The following FAM149B1 variants were observed in gnomAD, a reference collection of about 807,000 sequenced individuals.
The protein encoded by FAM149B1 is primary cilium assembly protein FAM149B1.
In FAM149B1, 56 loss-of-function variants were observed where a neutral mutation model predicts 75.3. That is an observed-to-expected ratio of 0.74 (90% confidence interval 0.60 to 0.93). The LOEUF is 0.93. Ranked by LOEUF, FAM149B1 falls within the 40% of genes least tolerant of loss-of-function variation. The pLI, the probability that FAM149B1 is intolerant of heterozygous loss-of-function variation, is 0.00. For synonymous variants in FAM149B1, 259 were observed against 256.1 expected, an observed-to-expected ratio of 1.01 and a Z score of -0.11; for missense variants, 639 against 708.4, an observed-to-expected ratio of 0.90 and a Z score of 1.11.
intron 13 of FAM149B1, 142 bp from the exon 14 acceptor site, chr10:73,240,804 C>A: frequency 1.7e-6 from 1 of 581,874 alleles, no homozygotes; most frequent in South Asian, 2.0e-5. Context: ...AATTAGTGGG[C>A]TCTTCTACAA....
At chr10:73,168,696 C>G (rs540361667) in intron 1 of FAM149B1, among the ~76,000 whole-genome samples, 5 of 152,208 alleles carry the variant, frequency 3.3e-5, no homozygotes, top group Non-Finnish European at 7.3e-5. Flanking sequence ...TAACTGAGGG[C>G]TCCAGGAAAG....
intron 9 of FAM149B1, among the ~76,000 whole-genome samples, chr10:73,232,682 T>C (rs1297016542): frequency 6.6e-6 from 1 of 152,244 alleles, no homozygotes; most frequent in African/African-American, 2.4e-5. Flanking sequence ...GGCAGGTGGA[T>C]AATGGACTTG....
intron 11 of FAM149B1, 48 bp downstream of exon 11, chr10:73,234,988 A>AT (rs1564716816): frequency 6.5e-7 from 1 of 1,539,608 alleles, no homozygotes; most frequent in African/African-American, 1.4e-5. Context: ...ATACAACCTA[A>AT]TGGGCAGTAA....
chr10:73,218,856 A>G (rs1028977500), intron 7 of FAM149B1, among the ~76,000 whole-genome samples: 1 of 152,090 alleles, frequency 6.6e-6, no homozygotes, highest in Non-Finnish European at 1.5e-5. Context: ...CCCTCAATTT[A>G]TCTCTCTCAT....
intron 3 of FAM149B1, among the ~76,000 whole-genome samples, chr10:73,179,467 G>T (rs1187890752): frequency 1.3e-5 from 2 of 151,786 alleles, no homozygotes; most frequent in Non-Finnish European, 2.9e-5. Flanking sequence ...GCAGGCTGGA[G>T]TGCTGTGGCA....
intron 12 of FAM149B1, among the ~76,000 whole-genome samples, chr10:73,237,237 GCTGA>G (rs1443747111): frequency 6.6e-6 from 1 of 152,158 alleles, no homozygotes; most frequent in African/African-American, 2.4e-5. Context: ...ACCCCACGAG[GCTGA>G]CTTAGGGAGA....
chr10:73,177,248 A>G (rs149820662), intron 2 of FAM149B1, among the ~76,000 whole-genome samples: 4 of 152,188 alleles, frequency 2.6e-5, no homozygotes, highest in Non-Finnish European at 4.4e-5. Context: ...AGATACTACT[A>G]TTAGCATTTC....
intron 5 of FAM149B1, among the ~76,000 whole-genome samples, chr10:73,199,197 TTTGTTGTTGTTG>T (rs3998310): frequency 4.1e-5 from 6 of 146,452 alleles, no homozygotes; most frequent in Admixed American, 6.8e-5. Context: ...GTTATCCTTT[TTTGTTGTTGTTG>T]TTGTTGTTGT....
intron 13 of FAM149B1, among the ~76,000 whole-genome samples, chr10:73,240,654 G>A (rs2043925888): frequency 6.6e-6 from 1 of 151,446 alleles, no homozygotes; most frequent in Non-Finnish European, 1.5e-5. Flanking sequence ...AGAGCTTGCA[G>A]TGAGCCGAGA....
chr10:73,235,389 G>A, intron 12 of FAM149B1, 71 bp downstream of exon 12: 3 of 1,538,866 alleles, frequency 1.9e-6, no homozygotes, highest in Non-Finnish European at 2.6e-6. Flanking sequence ...TAATAGTTTG[G>A]CAGACTTAAG....
chr10:73,230,375 G>GT, intron 8 of FAM149B1, 47 bp from the exon 9 acceptor site: 2 of 1,014,044 alleles, frequency 2.0e-6, no homozygotes, highest in Non-Finnish European at 3.0e-6. Flanking sequence ...AACCAAACAG[G>GT]TATCTTCTCC....
rs897743257 is a variant in FAM149B1 at position 73,173,773 on chromosome 10, G to A, written c.48-914G>A. ...ACATACCTTTTTCTTAAATTTTTTCGATATTTCTAGGCTACATGGTTCATC... is the reference window on the plus strand; with the variant it reads ...ACATACCTTTTTCTTAAATTTTTTCAATATTTCTAGGCTACATGGTTCATC... On this transcript the variant is annotated intron_variant, in intron 1 of 13. Coordinates refer to ENST00000242505, the MANE Select transcript of FAM149B1 (RefSeq NM_173348.2). Among the ~76,000 whole-genome samples the A allele has an allele frequency of 5.3e-5, 8 of 151,908 alleles. No homozygotes were observed. In the East Asian group the frequency reaches 1.4e-3, roughly 26 times the overall value.
intron 1 of FAM149B1, among the ~76,000 whole-genome samples, chr10:73,171,481 G>T (rs936409718): frequency 6.6e-6 from 1 of 152,018 alleles, no homozygotes; most frequent in Non-Finnish European, 1.5e-5. Context: ...GGAAAGGAAT[G>T]ATTTTCAACA....
At chr10:73,196,230 G>A (rs2042801634) in intron 5 of FAM149B1, among the ~76,000 whole-genome samples, 1 of 152,110 alleles carries the variant, frequency 6.6e-6, no homozygotes. Flanking sequence ...TTACTTTAAG[G>A]AGACTCCTTT....
intron 12 of FAM149B1, 196 bp downstream of exon 12, chr10:73,235,514 T>C (rs1331162472): frequency 7.9e-7 from 1 of 1,264,320 alleles, no homozygotes; most frequent in Non-Finnish European, 1.0e-6. Context: ...TTTAATGCCT[T>C]ATACAGAAAT....
chr10:73,168,681 A>G (rs1843563619), intron 1 of FAM149B1, among the ~76,000 whole-genome samples: 1 of 152,220 alleles, frequency 6.6e-6, no homozygotes. Flanking sequence ...GAAGTTATTA[A>G]TAGCTAACTG....
At chr10:73,210,172 C>T in intron 6 of FAM149B1, 79 bp from the exon 7 acceptor site, 1 of 886,378 alleles carries the variant, frequency 1.1e-6, no homozygotes. Flanking sequence ...AGTGAATTTT[C>T]AGGTAATACA....
intron 7 of FAM149B1, among the ~76,000 whole-genome samples, chr10:73,216,066 T>A (rs1368234821): frequency 6.6e-6 from 1 of 152,228 alleles, no homozygotes. Flanking sequence ...ATTTGTTTTG[T>A]GAATTGAGGT....
intron 1 of FAM149B1, among the ~76,000 whole-genome samples, chr10:73,169,901 T>C (rs1383746781): frequency 1.3e-5 from 2 of 152,048 alleles, no homozygotes; most frequent in Non-Finnish European, 2.9e-5. Flanking sequence ...TAACCCCAAA[T>C]TCCAATTTTT....
Sources: allele counts gnomAD v4.1 joint callset (sites outside exome capture counted in the v4.1 genomes callset), GRCh38; gene constraint gnomAD v4.1.1; transcripts MANE v1.5; gene names NCBI Gene and HGNC (gene_info 2026-07-23, HGNC 2026-07-21).